The following GPHN variants were observed in gnomAD, a reference collection of about 807,000 sequenced individuals.
GPHN encodes the protein gephyrin.
Under a neutral mutation model 95.5 loss-of-function variants are expected in GPHN, and 17 were observed. The observed-to-expected ratio is 0.18, with a 90% CI of 0.12 to 0.27. The LOEUF is 0.27. Ranked by LOEUF, GPHN falls within the 10% of genes least tolerant of loss-of-function variation. GPHN has a pLI of 1.00. For synonymous variants in GPHN, 320 were observed against 322.5 expected (o/e 0.99, Z 0.08); for missense variants, 660 against 978.1 (o/e 0.67, Z 4.34).
At chr14:67,248,377 A>G in the GPHN span, among the ~76,000 whole-genome samples, 1 of 152,138 alleles carries the variant, frequency 6.6e-6, no homozygotes, top group South Asian at 2.1e-4. Flanking sequence ...GAAACCAAAT[A>G]TAAGATTTTG....
the GPHN span, among the ~76,000 whole-genome samples, chr14:67,634,186 T>G: frequency 6.6e-6 from 1 of 152,152 alleles, no homozygotes; most frequent in African/African-American, 2.4e-5. Context: ...AAACCAGTAT[T>G]TTGTTTCTCT....
the GPHN span, among the ~76,000 whole-genome samples, chr14:67,265,759 A>G: frequency 1.6e-3 from 240 of 150,274 alleles, no homozygotes; most frequent in African/African-American, 5.6e-3. Context: ...CTGGAGGCTG[A>G]GGCATGAGAA....
intron 1 of GPHN, among the ~76,000 whole-genome samples, chr14:66,624,849 T>C (rs765993492): frequency 3.3e-5 from 5 of 152,194 alleles, no homozygotes; most frequent in Non-Finnish European, 7.4e-5. Flanking sequence ...AGTTATGATA[T>C]CTTTTTCCTG....
At chr14:66,778,620 A>G (rs1243953215) in intron 3 of GPHN, among the ~76,000 whole-genome samples, 5 of 150,184 alleles carry the variant, frequency 3.3e-5, no homozygotes, top group Non-Finnish European at 7.4e-5. Flanking sequence ...ACTAAGCTTG[A>G]TTTGATTAAA....
chr14:66,805,850 A>G (rs2060519095), intron 3 of GPHN, among the ~76,000 whole-genome samples: 1 of 152,116 alleles, frequency 6.6e-6, no homozygotes, highest in African/African-American at 2.4e-5. Context: ...TGGCTTTTTC[A>G]GGCACACGGT....
chr14:66,508,713 C>T (rs1173006868), intron 1 of GPHN, 122 bp downstream of exon 1: 2 of 885,810 alleles, frequency 2.3e-6, no homozygotes, highest in East Asian at 2.5e-5. Flanking sequence ...AAGGGAACCG[C>T]GGGGGTGCAT....
At chr14:66,841,241 G>T (rs1286695637) in intron 4 of GPHN, among the ~76,000 whole-genome samples, 1 of 152,008 alleles carries the variant, frequency 6.6e-6, no homozygotes, top group African/African-American at 2.4e-5. Context: ...GGTAGCCCAG[G>T]TAGGAAAGAG....
the GPHN span, among the ~76,000 whole-genome samples, chr14:67,242,847 A>C: frequency 1.8e-4 from 27 of 152,248 alleles, no homozygotes; most frequent in Non-Finnish European, 3.4e-4. Context: ...AACTTGACAA[A>C]TTAAGGTGGA....
At chr14:67,274,265 T>G in the GPHN span, among the ~76,000 whole-genome samples, 8 of 152,228 alleles carry the variant, frequency 5.3e-5, no homozygotes, top group Admixed American at 2.6e-4. Flanking sequence ...GGTCTAACAT[T>G]TAAGTCTTTA....
chr14:67,173,706 A>G (rs915657296), intron 21 of GPHN, among the ~76,000 whole-genome samples: 2 of 152,230 alleles, frequency 1.3e-5, no homozygotes, highest in African/African-American at 4.8e-5. Context: ...TAACAGACCC[A>G]AATGAAAAGA....
chr14:67,560,274 A>G, the GPHN span, among the ~76,000 whole-genome samples: 1 of 152,064 alleles, frequency 6.6e-6, no homozygotes, highest in Non-Finnish European at 1.5e-5. Context: ...TGATTCACCC[A>G]CCTCGGCCTC....
At chr14:66,823,202 A>C (rs962729514) in intron 3 of GPHN, 1 of 152,174 alleles carries the variant, frequency 6.6e-6, no homozygotes, top group Non-Finnish European at 1.5e-5. Flanking sequence ...GAGTTTTGCC[A>C]TGTTGGCCAG....
the GPHN span, among the ~76,000 whole-genome samples, chr14:67,448,998 C>A: frequency 1.3e-5 from 2 of 152,224 alleles, no homozygotes; most frequent in Non-Finnish European, 1.5e-5. Context: ...GAAGGTGTCA[C>A]GACAGAAAAG....
At chr14:67,518,460 G>A in the GPHN span, among the ~76,000 whole-genome samples, 1 of 152,162 alleles carries the variant, frequency 6.6e-6, no homozygotes, top group African/African-American at 2.4e-5. Flanking sequence ...TAATACACAG[G>A]TAATAAGTGG....
At chr14:67,096,992 A>G (rs2077429380) in intron 12 of GPHN, among the ~76,000 whole-genome samples, 1 of 152,142 alleles carries the variant, frequency 6.6e-6, no homozygotes, top group Admixed American at 6.5e-5. Context: ...AGAAAATATT[A>G]CTTATTTGGT....
At chr14:66,704,555 A>T (rs1040851259) in intron 2 of GPHN, among the ~76,000 whole-genome samples, 1 of 152,154 alleles carries the variant, frequency 6.6e-6, no homozygotes, top group Non-Finnish European at 1.5e-5. Context: ...CTGCTCCAGA[A>T]TGACTCCTGG....
chr14:66,531,695 A>G (rs1254402770), intron 1 of GPHN, among the ~76,000 whole-genome samples: 1 of 152,188 alleles, frequency 6.6e-6, no homozygotes, highest in Non-Finnish European at 1.5e-5. Flanking sequence ...GCTCAACTCA[A>G]TATGTAGTGT....
At chr14:66,988,017 C>T (rs1409512903) in intron 9 of GPHN, among the ~76,000 whole-genome samples, 1 of 151,950 alleles carries the variant, frequency 6.6e-6, no homozygotes, top group Non-Finnish European at 1.5e-5. Flanking sequence ...TGTACGATTT[C>T]ACTTGGTGAT....
the GPHN span, chr14:67,323,615 AAT>A: frequency 0.051 from 12,750 of 251,286 alleles, 1 homozygote; most frequent in Non-Finnish European, 0.064. Context: ...CCCTTAATCT[AAT>A]ATATATATAT....
Sources: gnomAD v4.1 joint callset for allele counts (sites outside exome capture counted in the v4.1 genomes callset) on GRCh38, gnomAD v4.1.1 for gene constraint, MANE v1.5 for transcripts, NCBI Gene and HGNC (gene_info 2026-07-23, HGNC 2026-07-21) for gene names.